Variants in GALNT14 observed in about 807,000 individuals in gnomAD.
GALNT14 encodes UDP-GalNAc:polypeptide N-acetylgalactosaminyltransferase 14.
GALNT14 carries 60 observed loss-of-function variants against 77.5 expected under a neutral mutation model. That is an observed-to-expected ratio of 0.77 (90% CI 0.63 to 0.96). GALNT14 has a LOEUF of 0.96. GALNT14 is among the 40% of genes least tolerant of loss of function. GALNT14 has a pLI of 0.00. For missense variants in GALNT14, 710 were observed against 731.0 expected (o/e 0.97, Z 0.33); for synonymous variants, 280 against 281.7 (o/e 0.99, Z 0.06).
downstream of GALNT14, chr2:30,910,400 A>C (rs1331575940): frequency 6.6e-6 from 1 of 152,422 alleles, no homozygotes; most frequent in East Asian, 1.9e-4. Context: ...CCCCCACCCC[A>C]TGCCCCTATT....
At chr2:31,136,246 C>G (rs1679223652) in intron 1 of GALNT14, among the ~76,000 whole-genome samples, 1 of 152,112 alleles carries the variant, frequency 6.6e-6, no homozygotes, top group Non-Finnish European at 1.5e-5. Flanking sequence ...CCACCCAGCC[C>G]CTACACACCT....
chr2:30,896,224 G>A, the GALNT14 span, among the ~76,000 whole-genome samples: 1 of 152,196 alleles, frequency 6.6e-6, no homozygotes, highest in African/African-American at 2.4e-5. Context: ...GAGTCAGTGG[G>A]GTTAACCAGT....
chr2:31,108,933 C>A (rs1172776881), intron 1 of GALNT14, among the ~76,000 whole-genome samples: 1 of 152,202 alleles, frequency 6.6e-6, no homozygotes, highest in Admixed American at 6.5e-5. Context: ...TGCCATTAAC[C>A]AGCTGATACT....
At chr2:31,010,198 G>C (rs1368298441) in intron 1 of GALNT14, among the ~76,000 whole-genome samples, 1 of 152,164 alleles carries the variant, frequency 6.6e-6, no homozygotes, top group Non-Finnish European at 1.5e-5. Context: ...ATGTTGGTCA[G>C]CCTGGTCTCA....
chr2:30,921,413 T>A (rs1278096617), intron 13 of GALNT14, among the ~76,000 whole-genome samples: 1 of 152,222 alleles, frequency 6.6e-6, no homozygotes, highest in Non-Finnish European at 1.5e-5. Context: ...GAGCAAATTA[T>A]GTCATTCTCA....
intron 1 of GALNT14, among the ~76,000 whole-genome samples, chr2:31,118,413 C>T (rs1558580234): frequency 6.6e-6 from 1 of 151,998 alleles, no homozygotes; most frequent in Non-Finnish European, 1.5e-5. Context: ...TAAAAATAAA[C>T]TGTAACTAAA....
At chr2:30,983,596 T>C (rs902760098) in intron 2 of GALNT14, among the ~76,000 whole-genome samples, 1 of 152,254 alleles carries the variant, frequency 6.6e-6, no homozygotes, top group Non-Finnish European at 1.5e-5. Context: ...TTGGGTTACC[T>C]GCCCACAGGC....
In GALNT14 at chr2:30,910,996, T is replaced by G. The variant is rs1664325374; in HGVS notation, c.1564A>C (p.Met522Leu). ...IASHLCLDTDMFGDGTENGKE... is the reference protein window; with the variant it reads ...IASHLCLDTDLFGDGTENGKE... ...CCGTTCTCGGTGCCATCACCGAACATATCTGTATCGAGGCAGAGGTGGGAT... is the reference window on the plus strand; with the variant it reads ...CCGTTCTCGGTGCCATCACCGAACAGATCTGTATCGAGGCAGAGGTGGGAT... The change falls in exon 15 of 15, where the codon ATG becomes CTG. Residue 522 changes from methionine to leucine, a missense_variant. Coordinates refer to ENST00000349752, the MANE Select transcript of GALNT14 (RefSeq NM_024572.4). 1.2e-6 allele frequency: 2 copies of G among 1,613,992 alleles called. No individual in the cohort carries two copies. The highest frequency in any genetic ancestry group is 1.7e-6 in the Non-Finnish European group (2 of 1,180,000).
At chr2:30,933,803 G>A (rs973271009) in intron 9 of GALNT14, among the ~76,000 whole-genome samples, 2 of 152,216 alleles carry the variant, frequency 1.3e-5, no homozygotes, top group African/African-American at 2.4e-5. Flanking sequence ...GCTTAAGCTC[G>A]CGGAGGCCTG....
chr2:31,134,227 C>T lies in GALNT14; in HGVS notation c.129+3731G>A, dbSNP rs375592980. Among the ~76,000 whole-genome samples, 23 of 152,360 alleles carry T rather than the reference C, an allele frequency of 1.5e-4. No individual in the cohort carries two copies. In the East Asian group the frequency reaches 1.9e-3, roughly 13 times the overall value. ...GACCAGGAGCCCTTAATACAGCTCT[C>T]TCCAATCTCTACACCTTTCCCAACT... On this transcript the variant is annotated intron_variant, in intron 1 of 14. Coordinates refer to ENST00000349752, the MANE Select transcript of GALNT14 (RefSeq NM_024572.4).
chr2:31,076,744 T>G (rs1003669378), intron 1 of GALNT14, among the ~76,000 whole-genome samples: 2 of 151,870 alleles, frequency 1.3e-5, no homozygotes, highest in Admixed American at 6.6e-5. Context: ...ATTTAGACAG[T>G]AAATATCAAA....
At chr2:31,044,572 A>G (rs1673307940) in intron 1 of GALNT14, among the ~76,000 whole-genome samples, 1 of 152,168 alleles carries the variant, frequency 6.6e-6, no homozygotes, top group South Asian at 2.1e-4. Flanking sequence ...TCTAGAAATT[A>G]CATACTGGCT....
At chr2:31,021,712 A>G (rs1402176234) in intron 1 of GALNT14, among the ~76,000 whole-genome samples, 2 of 152,216 alleles carry the variant, frequency 1.3e-5, no homozygotes, top group Admixed American at 1.3e-4. Context: ...AGTAGTTGCA[A>G]TCACTCTGCA....
rs567055543 is a variant in GALNT14 at position 31,101,748 on chromosome 2, G to A, written c.129+36210C>T. 2.6e-5 allele frequency among the ~76,000 whole-genome samples: 4 copies of A among 152,028 alleles called. No homozygotes were observed. In the East Asian group the frequency reaches 5.8e-4, roughly 22 times the overall value. On this transcript the variant is annotated intron_variant, in intron 1 of 14. Coordinates refer to ENST00000349752, the MANE Select transcript of GALNT14 (RefSeq NM_024572.4). Reference sequence around the variant, plus strand: ...ATTGTTGTTTTTTTCCCCATGATATGGTTTGGCTGTGTTCCCACCCAAATT... The same window carrying A: ...ATTGTTGTTTTTTTCCCCATGATATAGTTTGGCTGTGTTCCCACCCAAATT...
chr2:31,053,893 C>A (rs1283028510), intron 1 of GALNT14, among the ~76,000 whole-genome samples: 1 of 152,238 alleles, frequency 6.6e-6, no homozygotes, highest in Non-Finnish European at 1.5e-5. Context: ...TAAGACCCTT[C>A]TGGGCTTCTC....
chr2:31,096,676 G>A (rs1412617512), intron 1 of GALNT14, among the ~76,000 whole-genome samples: 3 of 152,062 alleles, frequency 2.0e-5, no homozygotes, highest in Admixed American at 1.3e-4. Flanking sequence ...ATGTGTCCAC[G>A]ACCACACAAT....
chr2:31,062,240 T>C (rs1180183111), intron 1 of GALNT14, among the ~76,000 whole-genome samples: 1 of 152,128 alleles, frequency 6.6e-6, no homozygotes, highest in African/African-American at 2.4e-5. Context: ...CAGACCCCAG[T>C]GTGTGATGTT....
chr2:30,963,880 C>T (rs577485400), intron 3 of GALNT14, among the ~76,000 whole-genome samples: 1 of 152,156 alleles, frequency 6.6e-6, no homozygotes, highest in South Asian at 2.1e-4. Context: ...CCTTAGCAAC[C>T]CTATGCACTA....
chr2:30,906,708 C>T (rs1050057148), downstream of GALNT14, among the ~76,000 whole-genome samples: 3 of 152,116 alleles, frequency 2.0e-5, no homozygotes, highest in Non-Finnish European at 4.4e-5. Context: ...ACCAAGCGGA[C>T]CTAATAAACA....
Sources: allele counts gnomAD v4.1 joint callset (sites outside exome capture counted in the v4.1 genomes callset), GRCh38; gene constraint gnomAD v4.1.1; transcripts MANE v1.5; gene names NCBI Gene and HGNC (gene_info 2026-07-23, HGNC 2026-07-21).